Variants in SCMH1 observed in about 807,000 individuals in gnomAD.
SCMH1 encodes Scm polycomb group protein homolog 1.
In SCMH1, 37 loss-of-function variants were observed where a neutral mutation model predicts 70.8. That is an observed-to-expected ratio of 0.52 (90% confidence interval 0.40 to 0.69). The LOEUF is 0.69. Among genes scored for constraint, SCMH1 ranks in the 30% least tolerant of loss-of-function variants. The pLI is 0.00. For missense variants in SCMH1, 607 were observed against 827.3 expected (o/e 0.73, Z 3.27); for synonymous variants, 292 against 307.4 (o/e 0.95, Z 0.52).
chr1:41,226,109 T>C (rs1008080873), intron 1 of SCMH1, among the ~76,000 whole-genome samples: 3 of 152,322 alleles, frequency 2.0e-5, no homozygotes, highest in Non-Finnish European at 4.4e-5. Flanking sequence ...CAGTAAATAC[T>C]TGGAAATTTC....
chr1:41,034,397 G>A (rs1414112220), intron 13 of SCMH1, among the ~76,000 whole-genome samples: 4 of 150,868 alleles, frequency 2.7e-5, no homozygotes, highest in Admixed American at 6.6e-5. Flanking sequence ...GCGTGATCTC[G>A]GCTCACTGCA....
chr1:41,230,006 G>A (rs1403814520), intron 1 of SCMH1, among the ~76,000 whole-genome samples: 1 of 152,150 alleles, frequency 6.6e-6, no homozygotes, highest in African/African-American at 2.4e-5. Context: ...AAATGAAATG[G>A]GAGCCAATGT....
chr1:41,115,532 G>A (rs1430542684), intron 7 of SCMH1, among the ~76,000 whole-genome samples: 1 of 152,040 alleles, frequency 6.6e-6, no homozygotes, highest in Non-Finnish European at 1.5e-5. Flanking sequence ...CAATCTCCTG[G>A]GCTTAAGCGA....
chr1:41,095,147 C>T (rs1343558476), intron 8 of SCMH1, among the ~76,000 whole-genome samples: 2 of 152,220 alleles, frequency 1.3e-5, no homozygotes, highest in East Asian at 1.9e-4. Flanking sequence ...GTTATGTCCA[C>T]ATCTTACAAT....
At chr1:41,043,101 T>C (rs1434566792) in intron 12 of SCMH1, 1 of 151,868 alleles carries the variant, frequency 6.6e-6, no homozygotes, top group Non-Finnish European at 1.5e-5. Flanking sequence ...TAATTTATTA[T>C]TATTATTTTT....
At chr1:41,070,927 C>G (rs1656263548) in intron 9 of SCMH1, among the ~76,000 whole-genome samples, 2 of 152,134 alleles carry the variant, frequency 1.3e-5, no homozygotes, top group Admixed American at 1.3e-4. Flanking sequence ...ATATACAAGC[C>G]TCTGGTCTTT....
chr1:41,027,939 T>C (rs759931879), exon 15 of SCMH1: 1 of 494,726 alleles, frequency 2.0e-6, no homozygotes, highest in Non-Finnish European at 3.6e-6. Flanking sequence ...GAGAAATAAA[T>C]AGAGGGACCT....
At chr1:41,178,270 G>A (rs1443300752) in intron 2 of SCMH1, among the ~76,000 whole-genome samples, 1 of 152,292 alleles carries the variant, frequency 6.6e-6, no homozygotes, top group Admixed American at 6.5e-5. Context: ...ACTGGTACCA[G>A]CCACTGCAAA....
intron 13 of SCMH1, among the ~76,000 whole-genome samples, chr1:41,030,345 G>T (rs1056519418): frequency 2.0e-5 from 3 of 152,156 alleles, no homozygotes; most frequent in Non-Finnish European, 4.4e-5. Flanking sequence ...CAGCATCTAT[G>T]AGGTACTCCA....
chr1:41,050,595 AG>A (rs1261059038), intron 10 of SCMH1, among the ~76,000 whole-genome samples: 1 of 152,222 alleles, frequency 6.6e-6, no homozygotes, highest in Non-Finnish European at 1.5e-5. Context: ...AAAGAAGAAA[AG>A]GGTAAACAAG....
intron 8 of SCMH1, among the ~76,000 whole-genome samples, chr1:41,108,060 TTGTACAAAGAAACC>T (rs1197651695): frequency 6.6e-6 from 1 of 152,168 alleles, no homozygotes; most frequent in Admixed American, 6.5e-5. Context: ...AATTTTTGCT[TTGTACAAAGAAACC>T]TGTCGCAGGT....
rs144525681 is a variant in SCMH1 at position 41,054,508 on chromosome 1, G to C, written c.1106-5618C>G. On this transcript the variant is annotated intron_variant, in intron 10 of 14. Coordinates refer to ENST00000337495, the Ensembl canonical transcript of SCMH1. ...AAATTATGAAAGGATTTCGACTCTA[G>C]AAAAGGACAGTAAAATTCTTTAAGA... 3.7e-3 allele frequency among the ~76,000 whole-genome samples: 568 copies of C among 152,216 alleles called. 1 individual carries two copies. The highest frequency in any genetic ancestry group is 0.014 in the South Asian group (67 of 4,820).
At chr1:41,065,406 G>A (rs1451981727) in intron 10 of SCMH1, among the ~76,000 whole-genome samples, 1 of 152,162 alleles carries the variant, frequency 6.6e-6, no homozygotes, top group Non-Finnish European at 1.5e-5. Context: ...GAAGATTGAG[G>A]CTGCAGTGAG....
At chr1:41,226,956 G>A (rs1412352554) in intron 1 of SCMH1, among the ~76,000 whole-genome samples, 1 of 152,204 alleles carries the variant, frequency 6.6e-6, no homozygotes, top group African/African-American at 2.4e-5. Flanking sequence ...AAAAAACCCT[G>A]AGGTGGGATG....
intron 1 of SCMH1, among the ~76,000 whole-genome samples, chr1:41,241,459 G>T (rs1369634665): frequency 6.6e-6 from 1 of 151,906 alleles, no homozygotes; most frequent in Non-Finnish European, 1.5e-5. Flanking sequence ...CAGCCCCCAG[G>T]ACGCTGCTGA....
At chr1:41,093,281 C>T (rs530994452) in intron 8 of SCMH1, among the ~76,000 whole-genome samples, 1 of 150,430 alleles carries the variant, frequency 6.6e-6, no homozygotes, top group South Asian at 2.1e-4. Flanking sequence ...GGACAGAAAA[C>T]TAAACACCGC....
chr1:41,105,590 C>T (rs1667689177), intron 8 of SCMH1, among the ~76,000 whole-genome samples: 1 of 152,270 alleles, frequency 6.6e-6, no homozygotes, highest in South Asian at 2.1e-4. Context: ...CATTATTTTA[C>T]ATGGTACAGG....
intron 10 of SCMH1, among the ~76,000 whole-genome samples, chr1:41,054,290 C>T (rs1447449656): frequency 6.6e-6 from 1 of 152,102 alleles, no homozygotes; most frequent in African/African-American, 2.4e-5. Flanking sequence ...CTGATGAACT[C>T]AAGGAAATAG....
chr1:41,111,780 T>C (rs1669307326), intron 8 of SCMH1, among the ~76,000 whole-genome samples: 1 of 152,252 alleles, frequency 6.6e-6, no homozygotes, highest in Non-Finnish European at 1.5e-5. Context: ...TCTCTTTCCT[T>C]GGATGACTCC....
Sources: allele counts gnomAD v4.1 joint callset (sites outside exome capture counted in the v4.1 genomes callset), GRCh38; gene constraint gnomAD v4.1.1; transcripts MANE v1.5; gene names NCBI Gene and HGNC (gene_info 2026-07-23, HGNC 2026-07-21).